Variants in IMMP2L observed in about 807,000 individuals in gnomAD.
The protein encoded by IMMP2L is inner mitochondrial membrane peptidase subunit 2.
Under a neutral mutation model 19.3 loss-of-function variants are expected in IMMP2L, and 18 were observed. The observed-to-expected ratio is 0.93, with a 90% CI of 0.64 to 1.38. The LOEUF (loss-of-function observed/expected upper bound fraction) is 1.38, where lower values mean the gene tolerates loss of function less well. IMMP2L is among the 40% of genes most tolerant of loss of function. IMMP2L has a pLI of 0.00. For synonymous variants in IMMP2L, 76 were observed against 73.0 expected (o/e 1.04, Z -0.21); for missense variants, 233 against 218.2 (o/e 1.07, Z -0.43).
intron 3 of IMMP2L, among the ~76,000 whole-genome samples, chr7:111,130,080 C>G (rs1208269720): frequency 6.6e-6 from 1 of 152,028 alleles, no homozygotes; most frequent in African/African-American, 2.4e-5. Context: ...TAAAAAGAGA[C>G]AAGCCTACAG....
chr7:111,068,482 C>G (rs1484124207), intron 3 of IMMP2L, among the ~76,000 whole-genome samples: 1 of 151,606 alleles, frequency 6.6e-6, no homozygotes, highest in African/African-American at 2.4e-5. Flanking sequence ...GAATATTTTG[C>G]AAAACAGTAC....
chr7:111,511,663 A>C (rs1395812473), intron 2 of IMMP2L, among the ~76,000 whole-genome samples: 2 of 151,948 alleles, frequency 1.3e-5, no homozygotes, highest in Non-Finnish European at 2.9e-5. Context: ...AAAAAAAAAA[A>C]AAGGCCTTAA....
intron 3 of IMMP2L, among the ~76,000 whole-genome samples, chr7:111,440,462 T>A (rs1222838941): frequency 6.6e-6 from 1 of 151,934 alleles, no homozygotes; most frequent in Admixed American, 6.6e-5. Flanking sequence ...AGGTGCATTA[T>A]CAATGAGCAG....
chr7:111,274,236 A>G (rs1413563330), intron 3 of IMMP2L, among the ~76,000 whole-genome samples: 1 of 152,190 alleles, frequency 6.6e-6, no homozygotes, highest in African/African-American at 2.4e-5. Context: ...TGGTAGGATC[A>G]CCTTTTCAAA....
In IMMP2L at chr7:111,544,962, C is replaced by A. The variant is rs538321885; in HGVS notation, c.-3+16889G>T. Among the ~76,000 whole-genome samples, 168 of 151,928 alleles carry A rather than the reference C, an allele frequency of 1.1e-3. 2 individuals are homozygous for A. The highest frequency in any genetic ancestry group is 2.0e-3 in the Non-Finnish European group (138 of 67,930). On this transcript the variant is annotated intron_variant, in intron 1 of 5. Transcript: ENST00000405709. ...AAAAAGACCAAAACCCAAACTAAGACAAAAACCCCAATCCTCTCTCTTACA... is the reference window on the plus strand; with the variant it reads ...AAAAAGACCAAAACCCAAACTAAGAAAAAAACCCCAATCCTCTCTCTTACA...
At chr7:111,139,849 A>G (rs1436773753) in intron 3 of IMMP2L, among the ~76,000 whole-genome samples, 1 of 152,184 alleles carries the variant, frequency 6.6e-6, no homozygotes, top group African/African-American at 2.4e-5. Context: ...TTTCCCAGCA[A>G]AAGGAAAAAC....
At chr7:110,771,273 T>C (rs1043592505) in intron 5 of IMMP2L, among the ~76,000 whole-genome samples, 1 of 152,120 alleles carries the variant, frequency 6.6e-6, no homozygotes, top group African/African-American at 2.4e-5. Context: ...TTAGTGTTGA[T>C]GCTGTTAGTA....
chr7:110,745,420 G>A (rs535170035), intron 5 of IMMP2L, among the ~76,000 whole-genome samples: 26 of 152,206 alleles, frequency 1.7e-4, no homozygotes, highest in Non-Finnish European at 3.4e-4. Flanking sequence ...GATACTCCTC[G>A]AGAAGAGCAA....
At chr7:110,748,029 T>G (rs1423874534) in intron 5 of IMMP2L, among the ~76,000 whole-genome samples, 1 of 152,206 alleles carries the variant, frequency 6.6e-6, no homozygotes, top group Non-Finnish European at 1.5e-5. Context: ...CTCCTTAAGC[T>G]GATAAGCAAC....
At chr7:111,293,008 A>C (rs910297551) in intron 3 of IMMP2L, among the ~76,000 whole-genome samples, 1 of 151,992 alleles carries the variant, frequency 6.6e-6, no homozygotes, top group Non-Finnish European at 1.5e-5. Context: ...AAAAGACTTA[A>C]CTCTTAGCAT....
intron 1 of IMMP2L, among the ~76,000 whole-genome samples, chr7:111,538,816 TAAAAAAAAA>T (rs768599585): frequency 1.2e-5 from 1 of 82,430 alleles, no homozygotes; most frequent in African/African-American, 5.0e-5. Context: ...CTGGCTCATT[TAAAAAAAAA>T]AAAAAAAAAA....
chr7:111,207,534 GTTTT>G (rs376864629), intron 3 of IMMP2L, among the ~76,000 whole-genome samples: 8 of 90,108 alleles, frequency 8.9e-5, no homozygotes, highest in East Asian at 7.3e-4. Context: ...TTTATTTTTG[GTTTT>G]TTTTTTTTTT....
chr7:111,501,848 G>A (rs567001217), intron 2 of IMMP2L, among the ~76,000 whole-genome samples: 40 of 152,148 alleles, frequency 2.6e-4, no homozygotes, highest in African/African-American at 8.2e-4. Flanking sequence ...AGGAACAACC[G>A]GTACCAGCCA....
chr7:110,963,248 AGACTATATG>A (rs1466444921), intron 4 of IMMP2L, among the ~76,000 whole-genome samples: 1 of 152,020 alleles, frequency 6.6e-6, no homozygotes, highest in Non-Finnish European at 1.5e-5. Context: ...TGATCATTTT[AGACTATATG>A]GTTAATTTAA....
At chr7:110,749,392 TGGGTATATACCCAAA>T (rs1797585070) in intron 5 of IMMP2L, among the ~76,000 whole-genome samples, 1 of 152,200 alleles carries the variant, frequency 6.6e-6, no homozygotes, top group South Asian at 2.1e-4. Context: ...ATCTCATTAC[TGGGTATATACCCAAA>T]GGACTATAAA....
intron 3 of IMMP2L, among the ~76,000 whole-genome samples, chr7:111,422,224 T>C (rs193272590): frequency 1.4e-4 from 22 of 151,974 alleles, no homozygotes; most frequent in East Asian, 5.8e-4. Flanking sequence ...TTTGGTTCCA[T>C]AGAACTTTAA....
intron 5 of IMMP2L, among the ~76,000 whole-genome samples, chr7:110,704,689 C>G (rs1794527253): frequency 6.6e-6 from 1 of 152,100 alleles, no homozygotes; most frequent in African/African-American, 2.4e-5. Context: ...TTTTGCTAGA[C>G]TAATAAGAAA....
chr7:110,902,428 C>A (rs982824294), intron 4 of IMMP2L, among the ~76,000 whole-genome samples: 1 of 148,504 alleles, frequency 6.7e-6, no homozygotes, highest in Non-Finnish European at 1.5e-5. Context: ...TTGGGCTGAT[C>A]CTGATCTGGA....
chr7:111,503,623 T>C (rs984944421), intron 2 of IMMP2L, among the ~76,000 whole-genome samples: 1 of 152,100 alleles, frequency 6.6e-6, no homozygotes, highest in Non-Finnish European at 1.5e-5. Flanking sequence ...TTTTCCACCA[T>C]GATCAAGTGG....
Sources: gnomAD v4.1 joint callset for allele counts (sites outside exome capture counted in the v4.1 genomes callset) on GRCh38, gnomAD v4.1.1 for gene constraint, MANE v1.5 for transcripts, NCBI Gene and HGNC (gene_info 2026-07-23, HGNC 2026-07-21) for gene names.